Variants in STAU2 observed in about 807,000 individuals in gnomAD.
The protein encoded by STAU2 is staufen double-stranded RNA binding protein 2, also known as double-stranded RNA-binding protein Staufen homolog 2.
A neutral mutation model predicts 65.9 loss-of-function variants in STAU2; 20 were observed. The observed-to-expected ratio is 0.30, with a 90% CI of 0.21 to 0.44. The LOEUF is 0.44. Among genes scored for constraint, STAU2 ranks in the 20% least tolerant of loss-of-function variants. STAU2 has a pLI of 1.00. For synonymous variants in STAU2, 232 were observed against 233.9 expected, an observed-to-expected ratio of 0.99 and a Z score of 0.07; for missense variants, 558 against 683.9, an observed-to-expected ratio of 0.82 and a Z score of 2.05.
chr8:73,486,232 C>G (rs1411251577), intron 13 of STAU2, among the ~76,000 whole-genome samples: 1 of 152,034 alleles, frequency 6.6e-6, no homozygotes, highest in Non-Finnish European at 1.5e-5. Context: ...AAACACTCCA[C>G]TTTTTTTGTT....
chr8:73,462,491 G>A (rs1819417230), intron 13 of STAU2, among the ~76,000 whole-genome samples: 4 of 152,040 alleles, frequency 2.6e-5, no homozygotes, highest in Admixed American at 2.0e-4. Flanking sequence ...CCCCTCCTGA[G>A]CTCAAGCTGT....
At chr8:73,434,934 A>G (rs1283112794) in intron 13 of STAU2, among the ~76,000 whole-genome samples, 1 of 151,892 alleles carries the variant, frequency 6.6e-6, no homozygotes, top group Non-Finnish European at 1.5e-5. Flanking sequence ...CCAGCATTCA[A>G]GGCCCCCATT....
intron 6 of STAU2, among the ~76,000 whole-genome samples, chr8:73,666,324 T>C (rs1435420793): frequency 6.6e-6 from 1 of 152,230 alleles, no homozygotes; most frequent in Non-Finnish European, 1.5e-5. Context: ...TCTTGGCTAT[T>C]ATTAATTTTA....
chr8:73,546,148 G>GTT (rs1563412799), intron 13 of STAU2, among the ~76,000 whole-genome samples: 1 of 116,460 alleles, frequency 8.6e-6, no homozygotes. Flanking sequence ...TTTTTTTTTG[G>GTT]TAGAGACAGA....
chr8:73,580,455 C>G (rs938019747), intron 12 of STAU2, among the ~76,000 whole-genome samples: 4 of 152,312 alleles, frequency 2.6e-5, no homozygotes, highest in East Asian at 3.9e-4. Context: ...TGTCTTCCCC[C>G]ACATGTGCCA....
chr8:73,429,411 G>GTTTT (rs1261161673), intron 13 of STAU2, among the ~76,000 whole-genome samples: 2 of 67,186 alleles, frequency 3.0e-5, no homozygotes, highest in Admixed American at 1.6e-4. Flanking sequence ...TCTTGCTCAG[G>GTTTT]TCTTTTTTTT....
At chr8:73,625,729 A>AT (rs1229268652) in intron 6 of STAU2, among the ~76,000 whole-genome samples, 13 of 152,156 alleles carry the variant, frequency 8.5e-5, no homozygotes, top group Non-Finnish European at 1.5e-4. Flanking sequence ...AATACAAATC[A>AT]TTTTTTTAAA....
intron 13 of STAU2, among the ~76,000 whole-genome samples, chr8:73,438,505 G>A (rs1409944143): frequency 2.0e-5 from 3 of 152,236 alleles, no homozygotes; most frequent in South Asian, 2.1e-4. Flanking sequence ...CCACCAGGGC[G>A]AGTGGGAATC....
chr8:73,567,627 A>G (rs565631145), intron 12 of STAU2, among the ~76,000 whole-genome samples: 109 of 151,728 alleles, frequency 7.2e-4, no homozygotes, highest in Admixed American at 1.2e-3. Flanking sequence ...TGCTCACTGC[A>G]ACCTCCACCT....
At chr8:73,660,291 A>G (rs1244063096) in intron 6 of STAU2, among the ~76,000 whole-genome samples, 2 of 152,104 alleles carry the variant, frequency 1.3e-5, no homozygotes, top group Non-Finnish European at 2.9e-5. Flanking sequence ...TTAGCTGGGC[A>G]TGGTGGTGCA....
At chr8:73,651,254 T>C (rs2130230395) in intron 6 of STAU2, 1 of 694,534 alleles carries the variant, frequency 1.4e-6, no homozygotes, top group Middle Eastern at 3.9e-4. Context: ...ATGGCTGGGT[T>C]GAGGAAAGGG....
At chr8:73,617,600 G>C (rs1812923699) in intron 6 of STAU2, 149 bp from the exon 7 acceptor site, 6 of 714,724 alleles carry the variant, frequency 8.4e-6, no homozygotes, top group African/African-American at 1.8e-5. Context: ...TTGATAAAAT[G>C]TGAGTCAATA....
At chr8:73,729,729 T>C (rs187716424) in intron 3 of STAU2, among the ~76,000 whole-genome samples, 186 of 152,304 alleles carry the variant, frequency 1.2e-3, no homozygotes, top group African/African-American at 4.4e-3. Context: ...TGTTCACTTG[T>C]AAGTCTGTTA....
chr8:73,552,204 T>C lies in STAU2; in HGVS notation c.1338A>G (p.Gln446=), dbSNP rs148124805. Reference sequence around the variant, plus strand: ...ATATACTGAAGAAAGAGCTTGAAGGTTGGTTCATATCTTTGGGTGACAAAT... The same window carrying C: ...ATATACTGAAGAAAGAGCTTGAAGGCTGGTTCATATCTTTGGGTGACAAAT... ...LGYLSPKDMN[Q]PSSSFFSISP... Residue 446 remains glutamine, a synonymous_variant, in exon 13 of 15, where the codon CAA becomes CAG. Coordinates refer to ENST00000524300, the MANE Select transcript of STAU2 (RefSeq NM_001164380.2). The C allele has an allele frequency of 5.6e-5, 91 of 1,613,882 alleles. No homozygotes were observed. The highest frequency in any genetic ancestry group is 1.2e-4 in the African/African-American group (9 of 74,924).
chr8:73,693,340 T>C (rs1449310297), intron 4 of STAU2, among the ~76,000 whole-genome samples: 2 of 151,900 alleles, frequency 1.3e-5, no homozygotes, highest in Non-Finnish European at 2.9e-5. Flanking sequence ...CCGGGCGTGG[T>C]AGCAGGTGCC....
At chr8:73,666,314 T>C (rs1817239161) in intron 6 of STAU2, among the ~76,000 whole-genome samples, 2 of 152,354 alleles carry the variant, frequency 1.3e-5, no homozygotes, top group South Asian at 2.1e-4. Flanking sequence ...TAAATCAGAA[T>C]CTTGGCTATT....
chr8:73,519,403 T>A (rs1001838456), intron 13 of STAU2, among the ~76,000 whole-genome samples: 7 of 152,202 alleles, frequency 4.6e-5, no homozygotes, highest in Admixed American at 3.9e-4. Context: ...GTGACTTGTA[T>A]ACTAATAAGG....
intron 13 of STAU2, among the ~76,000 whole-genome samples, chr8:73,479,705 A>AAGTAC: frequency 6.7e-6 from 1 of 150,122 alleles, no homozygotes; most frequent in East Asian, 2.0e-4. Context: ...AGATACACTT[A>AAGTAC]AATATACGTG....
At chr8:73,628,447 A>C (rs973903980) in intron 6 of STAU2, among the ~76,000 whole-genome samples, 12 of 152,162 alleles carry the variant, frequency 7.9e-5, no homozygotes, top group African/African-American at 2.9e-4. Flanking sequence ...CGTACTAAAA[A>C]CTTATGGAAA....
Sources: allele counts gnomAD v4.1 joint callset (sites outside exome capture counted in the v4.1 genomes callset), GRCh38; gene constraint gnomAD v4.1.1; transcripts MANE v1.5; gene names NCBI Gene and HGNC (gene_info 2026-07-23, HGNC 2026-07-21).